Variants in SNTG2 observed in about 807,000 individuals in gnomAD.
The protein encoded by SNTG2 is gamma-2-syntrophin.
A neutral mutation model predicts 70.9 loss-of-function variants in SNTG2; 74 were observed. The observed-to-expected ratio is 1.04, with a 90% CI of 0.86 to 1.27. SNTG2 has a LOEUF of 1.27. Among genes scored for constraint, SNTG2 ranks in the 50% most tolerant of loss-of-function variants. The pLI is 0.00. For missense variants in SNTG2, 717 were observed against 690.7 expected, an observed-to-expected ratio of 1.04 and a Z score of -0.43; for synonymous variants, 278 against 273.8, an observed-to-expected ratio of 1.02 and a Z score of -0.15.
chr2:1,300,048 G>A lies in SNTG2; in HGVS notation c.1285-8446G>A, dbSNP rs117849610. On this transcript the variant is annotated intron_variant, in intron 14 of 16. Transcript: ENST00000308624. ...AAACGAGGGCACTGTTACCATCACC[G>A]CTCTGAAGGGCGTGCAAGAAGGGTG... Among the ~76,000 whole-genome samples the A allele has an allele frequency of 2.2e-3, 325 of 150,322 alleles. 8 individuals are homozygous for A. The East Asian group carries it at 0.057, about 26-fold the overall frequency.
intron 13 of SNTG2, among the ~76,000 whole-genome samples, chr2:1,265,080 A>G (rs1182562015): frequency 1.3e-5 from 2 of 152,182 alleles, no homozygotes; most frequent in African/African-American, 2.4e-5. Flanking sequence ...GAGCCATTCA[A>G]TGGGGGATGT....
intron 6 of SNTG2, among the ~76,000 whole-genome samples, chr2:1,150,255 C>G (rs1374118214): frequency 1.3e-5 from 2 of 152,198 alleles, no homozygotes; most frequent in Non-Finnish European, 2.9e-5. Flanking sequence ...GCTGTCATCT[C>G]CACTTGCCTC....
intron 12 of SNTG2, among the ~76,000 whole-genome samples, chr2:1,255,989 C>T (rs1393038739): frequency 1.4e-5 from 2 of 147,486 alleles, no homozygotes; most frequent in African/African-American, 5.0e-5. Flanking sequence ...TATAGCCACG[C>T]ATTGCTTAAG....
chr2:1,050,130 A>G (rs1311711876), intron 1 of SNTG2, among the ~76,000 whole-genome samples: 2 of 152,176 alleles, frequency 1.3e-5, no homozygotes, highest in African/African-American at 4.8e-5. Flanking sequence ...AGACACAAAG[A>G]TCTGTCACTC....
At chr2:1,000,530 C>T (rs886544447) in intron 1 of SNTG2, among the ~76,000 whole-genome samples, 7 of 151,644 alleles carry the variant, frequency 4.6e-5, no homozygotes, top group Admixed American at 3.3e-4. Flanking sequence ...AGAGGAAATA[C>T]ATAAATTCTT....
chr2:1,006,275 A>C (rs1373577929), intron 1 of SNTG2, among the ~76,000 whole-genome samples: 1 of 151,894 alleles, frequency 6.6e-6, no homozygotes, highest in East Asian at 2.0e-4. Context: ...ACTAACCTGC[A>C]CAATGTGCAC....
chr2:1,287,716 T>C (rs972798627), intron 14 of SNTG2, among the ~76,000 whole-genome samples: 1 of 152,228 alleles, frequency 6.6e-6, no homozygotes, highest in East Asian at 1.9e-4. Context: ...CAGGAACAAC[T>C]TCACGCGCTG....
chr2:1,197,541 G>A (rs199845767), intron 8 of SNTG2, among the ~76,000 whole-genome samples: 28,629 of 135,880 alleles, frequency 0.21, 3,890 homozygotes, highest in East Asian at 0.36. Context: ...GTGTGTGTGT[G>A]TGTGTGTGTA....
At chr2:1,168,080 A>ACAGGCCGCCCACAGACGGCAGAACTGAAG (rs1670862710) in intron 7 of SNTG2, among the ~76,000 whole-genome samples, 1 of 70,572 alleles carries the variant, frequency 1.4e-5, no homozygotes, top group African/African-American at 6.3e-5. Context: ...CAGAACTGAA[A>ACAGGCCGCCCACAGACGGCAGAACTGAAG]CCTACAGGCC....
At chr2:1,191,396 C>T (rs143432172) in intron 8 of SNTG2, among the ~76,000 whole-genome samples, 5 of 152,286 alleles carry the variant, frequency 3.3e-5, no homozygotes, top group African/African-American at 7.2e-5. Context: ...TTATCAAAAA[C>T]GGGAGCCACC....
chr2:988,719 A>G lies in SNTG2; in HGVS notation c.72+37651A>G, dbSNP rs567926360. ...GGTCATTTTAGGAAGTATATTCGCA[A>G]TTTTATGGGATTTTTTTTTTTGCAT... On this transcript the variant is annotated intron_variant, in intron 1 of 16. Coordinates refer to ENST00000308624, the MANE Select transcript of SNTG2 (RefSeq NM_018968.4). Among the ~76,000 whole-genome samples, 3 of 149,256 alleles carry G rather than the reference A, an allele frequency of 2.0e-5. No individual in the cohort carries two copies. In the South Asian group the frequency reaches 6.4e-4, roughly 32 times the overall value.
intron 1 of SNTG2, among the ~76,000 whole-genome samples, chr2:1,067,527 C>G (rs551721501): frequency 3.6e-4 from 54 of 152,096 alleles, no homozygotes; most frequent in Non-Finnish European, 6.9e-4. Flanking sequence ...TATCTTTTTT[C>G]TTAAATGTTC....
At chr2:1,127,714 T>C (rs4519559) in intron 4 of SNTG2, among the ~76,000 whole-genome samples, 90,298 of 151,924 alleles carry the variant, frequency 0.59, 27,560 homozygotes, top group East Asian at 0.72. Flanking sequence ...TGTGTATGTG[T>C]GTGGCTATTG....
chr2:1,242,387 G>C (rs543133256), intron 11 of SNTG2, among the ~76,000 whole-genome samples: 1 of 152,138 alleles, frequency 6.6e-6, no homozygotes, highest in East Asian at 1.9e-4. Flanking sequence ...ACTGAAATTG[G>C]CAAACAAAAA....
intron 1 of SNTG2, among the ~76,000 whole-genome samples, chr2:1,029,092 A>T (rs1275576754): frequency 6.6e-6 from 1 of 152,162 alleles, no homozygotes; most frequent in Non-Finnish European, 1.5e-5. Context: ...CGGGCTTTCC[A>T]GCAACCCCAG....
intron 1 of SNTG2, among the ~76,000 whole-genome samples, chr2:1,048,055 C>A (rs896287036): frequency 6.6e-6 from 1 of 152,128 alleles, no homozygotes; most frequent in African/African-American, 2.4e-5. Flanking sequence ...TACTTCTTAA[C>A]ATTTTAATGT....
At chr2:1,290,738 C>G (rs540186091) in intron 14 of SNTG2, among the ~76,000 whole-genome samples, 1 of 152,332 alleles carries the variant, frequency 6.6e-6, no homozygotes, top group African/African-American at 2.4e-5. Context: ...CAGGCCTTAA[C>G]TCCAACAGTG....
At chr2:1,210,095 T>C (rs569028835) in intron 9 of SNTG2, among the ~76,000 whole-genome samples, 2 of 152,340 alleles carry the variant, frequency 1.3e-5, no homozygotes, top group South Asian at 4.1e-4. Context: ...TAGCAAACAT[T>C]GCTTTTCATG....
At position 1,262,468 on chromosome 2, in the gene SNTG2, A is replaced by C. The variant is rs1678463951; in HGVS notation, c.1077+3027A>C. On this transcript the variant is annotated intron_variant, in intron 13 of 16. Transcript: ENST00000308624. ...TGTACAGCCAGCAAGAGACTTCTAG[A>C]AAGATTCAGGTATCAAATGGCAGAG... is the stretch of plus-strand genomic sequence containing the variant. Among the ~76,000 whole-genome samples, 4 of 152,270 alleles carry C rather than the reference A, an allele frequency of 2.6e-5. No individual in the cohort carries two copies. The South Asian group carries it at 8.3e-4, about 32-fold the overall frequency.
Sources: allele counts gnomAD v4.1 joint callset (sites outside exome capture counted in the v4.1 genomes callset), GRCh38; gene constraint gnomAD v4.1.1; transcripts MANE v1.5; gene names NCBI Gene and HGNC (gene_info 2026-07-23, HGNC 2026-07-21).